Variants in GPR180 observed in about 807,000 individuals in gnomAD.
GPR180 encodes G protein-coupled receptor 180, also known as integral membrane protein GPR180.
GPR180 carries 53 observed loss-of-function variants against 52.6 expected under a neutral mutation model. The observed-to-expected ratio is 1.01, with a 90% CI of 0.81 to 1.27. The LOEUF (loss-of-function observed/expected upper bound fraction) is 1.27. Among genes scored for constraint, GPR180 ranks in the 50% most tolerant of loss-of-function variants. GPR180 has a pLI of 0.00. For missense variants in GPR180, 533 were observed against 527.0 expected (o/e 1.01, Z -0.11); for synonymous variants, 200 against 193.1 (o/e 1.04, Z -0.30).
At chr13:94,625,403 A>G (rs1041960127) in intron 7 of GPR180, among the ~76,000 whole-genome samples, 1 of 152,066 alleles carries the variant, frequency 6.6e-6, no homozygotes, top group African/African-American at 2.4e-5. Context: ...TTCAACAGCT[A>G]TTTATTAACT....
chr13:94,631,683 TACTTAAC>T lies in GPR180; in HGVS notation c.*4514_*4520del. ...CAATGCTGAAAAAGTTCCAAATCTG[TACTTAAC>T]AGTGTAGTATTAATTATGTAATAGA... is the stretch of plus-strand genomic sequence containing the variant. On this transcript the variant is annotated 3_prime_UTR_variant, in exon 9 of 9. Transcript: ENST00000376958. 1 of 150,852 alleles carries T rather than the reference TACTTAAC, an allele frequency of 6.6e-6. No homozygotes were observed. The highest frequency in any genetic ancestry group is 1.5e-5 in the Non-Finnish European group (1 of 67,828). The allele number at this position is 150,852 out of a possible 1,614,324, so 9.3% of individuals were successfully genotyped here.
At position 94,629,188 on chromosome 13, in the gene GPR180, T is replaced by A. The variant is rs1889963477; in HGVS notation, c.*2017T>A. ...TCATAAGTCATGACACAGTATTCGC[T>A]CTTTTTCTGAATGTTTACATAGAGA... On this transcript the variant is annotated 3_prime_UTR_variant, in exon 9 of 9. Coordinates refer to ENST00000376958, the MANE Select transcript of GPR180 (RefSeq NM_180989.6). 6.6e-6 allele frequency: 1 copy of A among 152,182 alleles called. No homozygotes were observed. The highest frequency in any genetic ancestry group is 2.1e-4 in the South Asian group (1 of 4,836). 9.4% of individuals were successfully genotyped at this position (152,182 alleles called of 1,614,324 possible). A position where few individuals can be genotyped will look rare whatever the true frequency, so the allele number is the denominator to read the frequency against.
chr13:94,623,926 T>C (rs1375380224), intron 7 of GPR180, among the ~76,000 whole-genome samples: 2 of 152,184 alleles, frequency 1.3e-5, no homozygotes, highest in East Asian at 3.9e-4. Context: ...AAATCAAATA[T>C]GGTTTGGATT....
chr13:94,627,328 GA>G lies in GPR180; in HGVS notation c.*165del, dbSNP rs1280907957. ...ACTGCATTTAAGCAGTACCAAGACTGAAAAAAAAGGTAATAAATGAAATGTT... is the reference window on the plus strand; with the variant it reads ...ACTGCATTTAAGCAGTACCAAGACTGAAAAAAAGGTAATAAATGAAATGTT... On this transcript the variant is annotated 3_prime_UTR_variant, in exon 9 of 9. Coordinates refer to ENST00000376958, the MANE Select transcript of GPR180 (RefSeq NM_180989.6). 31 of 496,558 alleles carry G rather than the reference GA, an allele frequency of 6.2e-5. No individual in the cohort carries two copies. The highest frequency in any genetic ancestry group is 1.2e-4 in the South Asian group (3 of 25,978). 30.8% of individuals were successfully genotyped at this position (496,558 alleles called of 1,614,324 possible).
chr13:94,624,067 C>T (rs1889891262), intron 7 of GPR180, among the ~76,000 whole-genome samples: 1 of 152,220 alleles, frequency 6.6e-6, no homozygotes, highest in South Asian at 2.1e-4. Flanking sequence ...CAGCCAGCCT[C>T]ACCCCATCCA....
rs1422749343 is a variant in GPR180 at position 94,634,268 on chromosome 13, G to T, written c.*7097G>T. The T allele has an allele frequency of 2.0e-5, 3 of 152,090 alleles. No individual in the cohort carries two copies. The highest frequency in any genetic ancestry group is 4.4e-5 in the Non-Finnish European group (3 of 68,010). 9.4% of individuals were successfully genotyped at this position (152,090 alleles called of 1,614,324 possible). The stretch of plus-strand genomic sequence containing the variant: ...TAACGTGTTGAGTGTTAAACCCACA[G>T]GTGGTAGCATGACATTGACTCCTCA... On this transcript the variant is annotated 3_prime_UTR_variant, in exon 9 of 9. Transcript: ENST00000376958.
chr13:94,616,221 G>T (rs1344290449), intron 3 of GPR180, among the ~76,000 whole-genome samples: 2 of 152,188 alleles, frequency 1.3e-5, no homozygotes, highest in African/African-American at 4.8e-5. Flanking sequence ...CATCATAAGA[G>T]AAATGTAAGT....
chr13:94,624,831 C>G (rs1566983086), intron 7 of GPR180, among the ~76,000 whole-genome samples: 1 of 151,950 alleles, frequency 6.6e-6, no homozygotes, highest in Non-Finnish European at 1.5e-5. Context: ...CGTGAGCCAC[C>G]GCACCCAGCC....
At chr13:94,618,682 A>G (rs571869742) in intron 3 of GPR180, among the ~76,000 whole-genome samples, 1 of 152,028 alleles carries the variant, frequency 6.6e-6, no homozygotes, top group South Asian at 2.1e-4. Flanking sequence ...GTTTATAACA[A>G]ATTCCCTGGT....
At position 94,628,037 on chromosome 13, in the gene GPR180, C is replaced by T. The variant is rs1889949756; in HGVS notation, c.*866C>T. ...AAGCCGTATACACAGATTAAATTAA[C>T]AGAAGCATTTCACATAAATGTTGGT... On this transcript the variant is annotated 3_prime_UTR_variant, in exon 9 of 9. Transcript: ENST00000376958. 6.6e-6 allele frequency: 1 copy of T among 152,572 alleles called. No individual in the cohort carries two copies. The highest frequency in any genetic ancestry group is 1.5e-5 in the Non-Finnish European group (1 of 67,896). 9.5% of individuals were successfully genotyped at this position (152,572 alleles called of 1,614,324 possible). A position where few individuals can be genotyped will look rare whatever the true frequency, so the allele number is the denominator to read the frequency against.
In GPR180 at chr13:94,630,535, A is replaced by G. The variant is rs895395902; in HGVS notation, c.*3364A>G. 6.6e-6 allele frequency: 1 copy of G among 152,234 alleles called. No individual in the cohort carries two copies. Among genetic ancestry groups the G allele is most frequent in the African/African-American group, 2.4e-5 (1 of 41,450 alleles). 9.4% of individuals were successfully genotyped at this position (152,234 alleles called of 1,614,324 possible). A position where few individuals can be genotyped will look rare whatever the true frequency, so the allele number is the denominator to read the frequency against. The stretch of plus-strand genomic sequence containing the variant: ...AAACCCTCCATGTGCCTCTCATTGC[A>G]CTTAGGAAAAGAAGTCCTCACTCAT... On this transcript the variant is annotated 3_prime_UTR_variant, in exon 9 of 9. Transcript: ENST00000376958.
At chr13:94,619,568 C>CTT in intron 5 of GPR180, 51 bp downstream of exon 5, 3 of 1,389,760 alleles carry the variant, frequency 2.2e-6, no homozygotes, top group African/African-American at 1.5e-5. Flanking sequence ...TCGCTATCTG[C>CTT]TTTTTTTTTA....
rs895322236 is a variant in GPR180 at position 94,630,739 on chromosome 13, G to C, written c.*3568G>C. 3 of 152,242 alleles carry C rather than the reference G, an allele frequency of 2.0e-5. No individual in the cohort carries two copies. Among genetic ancestry groups the C allele is most frequent in the South Asian group, 2.1e-4 (1 of 4,834 alleles). The allele number at this position is 152,242 out of a possible 1,614,324, so 9.4% of individuals were successfully genotyped here. A position where few individuals can be genotyped will look rare whatever the true frequency, so the allele number is the denominator to read the frequency against. On this transcript the variant is annotated 3_prime_UTR_variant, in exon 9 of 9. Transcript: ENST00000376958. Reference sequence around the variant, plus strand: ...GACATTCTCTTCCAAATCTTAGCATGGTTGGAAGGCTGAATCCTCATCCTT... The same window carrying C: ...GACATTCTCTTCCAAATCTTAGCATCGTTGGAAGGCTGAATCCTCATCCTT...
chr13:94,625,478 A>C (rs1889917138), intron 7 of GPR180, among the ~76,000 whole-genome samples: 1 of 152,190 alleles, frequency 6.6e-6, no homozygotes, highest in South Asian at 2.1e-4. Context: ...GAAGAATAGA[A>C]AAATATTTGA....
chr13:94,604,507 T>G (rs1889604699), intron 1 of GPR180, among the ~76,000 whole-genome samples: 2 of 152,076 alleles, frequency 1.3e-5, no homozygotes, highest in Admixed American at 6.6e-5. Context: ...GGAGAATCGC[T>G]TGAACCTGGG....
At chr13:94,622,639 G>GT (rs1310791196) in intron 6 of GPR180, among the ~76,000 whole-genome samples, 1 of 152,124 alleles carries the variant, frequency 6.6e-6, no homozygotes, top group African/African-American at 2.4e-5. Flanking sequence ...AGAAATGTTG[G>GT]TTAAGAAATC....
At position 94,630,190 on chromosome 13, in the gene GPR180, T is replaced by A. The variant is rs892416759; in HGVS notation, c.*3019T>A. On this transcript the variant is annotated 3_prime_UTR_variant, in exon 9 of 9. Coordinates refer to ENST00000376958, the MANE Select transcript of GPR180 (RefSeq NM_180989.6). ...TGAAAGTAGTGTGGTAGAAGCACCG[T>A]AGCTTGATTTCTTGCAATAGCTCTC... The A allele has an allele frequency of 8.5e-5, 13 of 152,234 alleles. No individual in the cohort carries two copies. The highest frequency in any genetic ancestry group is 8.5e-4 in the Admixed American group (13 of 15,280). 9.4% of individuals were successfully genotyped at this position (152,234 alleles called of 1,614,324 possible). A position where few individuals can be genotyped will look rare whatever the true frequency, so the allele number is the denominator to read the frequency against.
rs1313114042 is a variant in GPR180, at chr13:94,602,581, T to C, written c.145+509T>C. On this transcript the variant is annotated intron_variant, in intron 1 of 8. Transcript: ENST00000376958. Reference sequence around the variant, plus strand: ...AAAACACTTGATAATGTAGTTGTTATATTGAGCAGTTTGGTTACTTGGCTA... The same window carrying C: ...AAAACACTTGATAATGTAGTTGTTACATTGAGCAGTTTGGTTACTTGGCTA... 2.0e-5 allele frequency among the ~76,000 whole-genome samples: 3 copies of C among 151,796 alleles called. No homozygotes were observed. In the East Asian group the frequency reaches 5.8e-4, roughly 29 times the overall value.
chr13:94,625,564 A>G lies in GPR180; in HGVS notation c.1087-402A>G, dbSNP rs1034235202. Among the ~76,000 whole-genome samples the G allele has an allele frequency of 1.1e-4, 16 of 152,174 alleles. 1 individual carries two copies. The highest frequency in any genetic ancestry group is 5.2e-4 in the Admixed American group (8 of 15,270). ...TCTAACCCTCAAACAGGTAACGACTATTAATGTTTTTTGTGTATTTTTACA... is the reference window on the plus strand; with the variant it reads ...TCTAACCCTCAAACAGGTAACGACTGTTAATGTTTTTTGTGTATTTTTACA... On this transcript the variant is annotated intron_variant, in intron 7 of 8. Transcript: ENST00000376958.
Sources: gnomAD v4.1 joint callset for allele counts (sites outside exome capture counted in the v4.1 genomes callset) on GRCh38, gnomAD v4.1.1 for gene constraint, MANE v1.5 for transcripts, NCBI Gene and HGNC (gene_info 2026-07-23, HGNC 2026-07-21) for gene names.